Variants in LRRC1 observed in about 807,000 individuals in gnomAD.
The protein encoded by LRRC1 is leucine rich repeat containing 1.
In LRRC1, 28 loss-of-function variants were observed where a neutral mutation model predicts 69.9. The ratio of observed to expected loss-of-function variants is 0.40; its 90% confidence interval spans 0.30 to 0.55. The LOEUF (loss-of-function observed/expected upper bound fraction) is 0.55. Ranked by LOEUF, LRRC1 falls within the 20% of genes least tolerant of loss-of-function variation. The probability of loss-of-function intolerance (pLI) is 0.47; values close to 1 mark genes in which losing one functional copy is unlikely to be tolerated. For synonymous variants in LRRC1, 236 were observed against 240.2 expected (o/e 0.98, Z 0.16); for missense variants, 498 against 609.0 (o/e 0.82, Z 1.92).
intron 2 of LRRC1, among the ~76,000 whole-genome samples, chr6:53,864,868 G>T (rs1454328407): frequency 6.6e-6 from 1 of 152,104 alleles, no homozygotes; most frequent in South Asian, 2.1e-4. Flanking sequence ...CCAGCTGTCA[G>T]GTGACTAATT....
chr6:53,914,823 G>T (rs1440841525), intron 11 of LRRC1, among the ~76,000 whole-genome samples: 1 of 152,118 alleles, frequency 6.6e-6, no homozygotes, highest in African/African-American at 2.4e-5. Flanking sequence ...AATTTCCCCT[G>T]CCATGGCAGT....
chr6:53,861,016 CT>C (rs1766491128), intron 2 of LRRC1, among the ~76,000 whole-genome samples: 1 of 128,606 alleles, frequency 7.8e-6, no homozygotes, highest in South Asian at 2.8e-4. Context: ...ACGACAGACA[CT>C]GGGGCCGCTT....
intron 3 of LRRC1, among the ~76,000 whole-genome samples, chr6:53,881,879 A>G (rs963413863): frequency 1.3e-5 from 2 of 152,234 alleles, no homozygotes; most frequent in Admixed American, 6.5e-5. Context: ...TATGGAAACC[A>G]TAGAAATATT....
At chr6:53,813,916 G>A (rs7752696) in intron 1 of LRRC1, among the ~76,000 whole-genome samples, 28,402 of 152,164 alleles carry the variant, frequency 0.19, 2,909 homozygotes, top group Middle Eastern at 0.33. Flanking sequence ...GTAATCTGAA[G>A]CCTGTGGCTC....
intron 10 of LRRC1, among the ~76,000 whole-genome samples, chr6:53,909,697 C>T (rs1768352661): frequency 6.6e-6 from 1 of 151,564 alleles, no homozygotes. Context: ...CACACAATTG[C>T]CAAAAATATT....
chr6:53,911,954 C>T (rs530389601), intron 10 of LRRC1, among the ~76,000 whole-genome samples: 1 of 152,148 alleles, frequency 6.6e-6, no homozygotes, highest in African/African-American at 2.4e-5. Context: ...CTTGATGTTT[C>T]TAAAACCTAA....
chr6:53,860,273 A>T (rs562841052), intron 2 of LRRC1, among the ~76,000 whole-genome samples: 5 of 152,224 alleles, frequency 3.3e-5, no homozygotes, highest in African/African-American at 4.8e-5. Context: ...CATTCATTCA[A>T]TGGCAGAGCC....
At chr6:53,830,170 C>G (rs1765386869) in intron 1 of LRRC1, among the ~76,000 whole-genome samples, 1 of 152,188 alleles carries the variant, frequency 6.6e-6, no homozygotes, top group African/African-American at 2.4e-5. Context: ...TAGACGAAGG[C>G]CAGGAGTGTT....
intron 7 of LRRC1, among the ~76,000 whole-genome samples, chr6:53,898,258 T>G (rs1767936965): frequency 6.6e-6 from 1 of 152,206 alleles, no homozygotes; most frequent in African/African-American, 2.4e-5. Context: ...AGATCTTGGC[T>G]ACAGTTGGGA....
At chr6:53,838,663 C>T (rs1053312438) in intron 1 of LRRC1, among the ~76,000 whole-genome samples, 1 of 152,196 alleles carries the variant, frequency 6.6e-6, no homozygotes, top group Non-Finnish European at 1.5e-5. Flanking sequence ...AAATACGTGA[C>T]TCTATTGAAT....
chr6:53,845,406 A>C (rs761678302), intron 2 of LRRC1, among the ~76,000 whole-genome samples: 12 of 152,162 alleles, frequency 7.9e-5, no homozygotes, highest in Non-Finnish European at 1.8e-4. Context: ...AAAAGTCACA[A>C]ATCCTGCAGC....
In LRRC1 at chr6:53,795,237, A is replaced by AGGC. The variant is rs753741733; in HGVS notation, c.-11_-9dup. 1.0e-5 allele frequency: 16 copies of AGGC among 1,585,640 alleles called. No homozygotes were observed. The African/African-American group carries it at 2.1e-4, about 20-fold the overall frequency. On this transcript the variant is annotated 5_prime_UTR_variant, in exon 1 of 14. Coordinates refer to ENST00000370888, the MANE Select transcript of LRRC1 (RefSeq NM_018214.5). ...GGTCTCCGCCGCTCGGGACCCGGCTAGGCGGCGGCGGGGGCGGCGATGTTC... is the reference window on the plus strand; with the variant it reads ...GGTCTCCGCCGCTCGGGACCCGGCTAGGCGGCGGCGGCGGGGGCGGCGATGTTC...
chr6:53,897,264 C>CT (rs765838567), intron 6 of LRRC1, 21 bp from the exon 7 acceptor site: 24 of 1,542,452 alleles, frequency 1.6e-5, no homozygotes, highest in Non-Finnish European at 1.9e-5. Flanking sequence ...GTTACCGTAA[C>CT]TTTTTTTTCT....
chr6:53,917,937 T>C (rs184631573), intron 11 of LRRC1, among the ~76,000 whole-genome samples: 39 of 152,234 alleles, frequency 2.6e-4, no homozygotes, highest in African/African-American at 9.2e-4. Flanking sequence ...GCAACATTCT[T>C]TGGATAGAAA....
chr6:53,904,593 T>G, intron 10 of LRRC1, 131 bp downstream of exon 10: 3 of 574,182 alleles, frequency 5.2e-6, no homozygotes, highest in Admixed American at 3.4e-5. Context: ...TCTAAATCTG[T>G]GAGTATAGAG....
chr6:53,842,519 A>G (rs1765824138), intron 2 of LRRC1, among the ~76,000 whole-genome samples: 1 of 152,240 alleles, frequency 6.6e-6, no homozygotes, highest in African/African-American at 2.4e-5. Flanking sequence ...AAATTTCATA[A>G]CACAAGTTTT....
Position 53,889,679 on chromosome 6 carries a change from G to C in LRRC1, c.446+6703G>C, listed in dbSNP as rs534334968. Among the ~76,000 whole-genome samples the C allele has an allele frequency of 1.6e-4, 24 of 152,038 alleles. No homozygotes were observed. In the East Asian group the frequency reaches 2.3e-3, roughly 15 times the overall value. ...TCTAATGAGTATGAATTTTCTTTTC[G>C]GTATGATGAAAATTTTCTAGATTAG... On this transcript the variant is annotated intron_variant, in intron 4 of 13. Coordinates refer to ENST00000370888, the MANE Select transcript of LRRC1 (RefSeq NM_018214.5).
chr6:53,822,365 G>A (rs1371033792), intron 1 of LRRC1, among the ~76,000 whole-genome samples: 1 of 152,184 alleles, frequency 6.6e-6, no homozygotes, highest in Admixed American at 6.5e-5. Context: ...GTACACCCTT[G>A]GAAGGGAGGA....
In LRRC1 at chr6:53,828,731, T is replaced by C. The variant is rs1765342826; in HGVS notation, c.160-13379T>C. Among the ~76,000 whole-genome samples the C allele has an allele frequency of 2.0e-5, 3 of 152,230 alleles. No individual in the cohort carries two copies. The South Asian group carries it at 6.2e-4, about 31-fold the overall frequency. On this transcript the variant is annotated intron_variant, in intron 1 of 13. Coordinates refer to ENST00000370888, the MANE Select transcript of LRRC1 (RefSeq NM_018214.5). ...CTTGTTAATCAGTCCTGAGACCCTT[T>C]AGACATTTGGTCCCTGCAGTCTGTT...
Sources: allele counts gnomAD v4.1 joint callset (sites outside exome capture counted in the v4.1 genomes callset), GRCh38; gene constraint gnomAD v4.1.1; transcripts MANE v1.5; gene names NCBI Gene and HGNC (gene_info 2026-07-23, HGNC 2026-07-21).